Variants in UMAD1 observed in about 807,000 individuals in gnomAD.
The protein encoded by UMAD1 is UBAP1-MVB12-associated (UMA) domain containing 1.
UMAD1 carries 8 observed loss-of-function variants against 6.1 expected under a neutral mutation model. The ratio of observed to expected loss-of-function variants is 1.30; its 90% CI spans 0.76 to 2.35. The LOEUF is 2.35. Among genes scored for constraint, UMAD1 ranks in the 30% most tolerant of loss-of-function variants. The pLI is 0.00. For synonymous variants in UMAD1, 56 were observed against 31.4 expected (o/e 1.78, Z -2.61); for missense variants, 130 against 78.4 (o/e 1.66, Z -2.49).
intron 2 of UMAD1, among the ~76,000 whole-genome samples, chr7:7,781,469 T>C (rs115720570): frequency 0.015 from 2,339 of 152,072 alleles, 59 homozygotes; most frequent in African/African-American, 0.053. Context: ...TTTACATTAA[T>C]GTGGAAAAAA....
intron 2 of UMAD1, among the ~76,000 whole-genome samples, chr7:7,729,570 G>T (rs1356313762): frequency 1.3e-5 from 2 of 152,016 alleles, no homozygotes; most frequent in Non-Finnish European, 2.9e-5. Context: ...GCTTGCATTT[G>T]CCCATTGTTA....
rs925231315 is a variant in UMAD1 at position 7,830,097 on chromosome 7, C to T, written c.156+28354C>T. Among the ~76,000 whole-genome samples, 1 of 152,146 alleles carries T rather than the reference C, an allele frequency of 6.6e-6. No homozygotes were observed. The highest frequency in any genetic ancestry group is 1.5e-5 in the Non-Finnish European group (1 of 68,024). ...TAAAAAAGAAAAGTTATATTATTTT[C>T]CCACCTCTCCCTCAAAAATCTACTA... On this transcript the variant is annotated intron_variant, in intron 3 of 3. Coordinates refer to ENST00000682710, the MANE Select transcript of UMAD1 (RefSeq NM_001302348.2). The surrounding 1 kb of genome is among the most constrained non-coding windows in gnomAD (Gnocchi z 5.3).
chr7:7,839,276 A>G (rs1783630072), intron 3 of UMAD1, among the ~76,000 whole-genome samples: 1 of 152,134 alleles, frequency 6.6e-6, no homozygotes, highest in African/African-American at 2.4e-5. Context: ...CAGGTGCATA[A>G]TCATGGCTCA....
intron 1 of UMAD1, among the ~76,000 whole-genome samples, chr7:7,649,230 G>A (rs1785167862): frequency 6.6e-6 from 1 of 151,886 alleles, no homozygotes; most frequent in Non-Finnish European, 1.5e-5. Context: ...TAGTTCTAGA[G>A]GCTTGGATGT....
chr7:7,704,069 C>G (rs973385314), intron 2 of UMAD1, among the ~76,000 whole-genome samples: 2 of 152,156 alleles, frequency 1.3e-5, no homozygotes, highest in Admixed American at 1.3e-4. Context: ...CAGACATCTT[C>G]CTTTTCCAAC....
At chr7:7,846,007 GTCTATCTTTGAGTGAGAGATTTAC>G (rs1452757434) in intron 3 of UMAD1, among the ~76,000 whole-genome samples, 15 of 152,086 alleles carry the variant, frequency 9.9e-5, no homozygotes, top group Non-Finnish European at 5.9e-5. Context: ...TGTGAGAACA[GTCTATCTTTGAGTGAGAGATTTAC>G]TCAATCATAG....
chr7:7,812,153 G>A (rs905172733), intron 3 of UMAD1, among the ~76,000 whole-genome samples: 1 of 152,138 alleles, frequency 6.6e-6, no homozygotes, highest in African/African-American at 2.4e-5. Flanking sequence ...GGGTTAACTA[G>A]CACACTGAAA....
At chr7:7,733,160 C>G (rs17136857) in intron 2 of UMAD1, among the ~76,000 whole-genome samples, 16,987 of 152,038 alleles carry the variant, frequency 0.11, 1,335 homozygotes, top group African/African-American at 0.22. Flanking sequence ...CACACGATAC[C>G]CAGTTGGTAT....
chr7:7,691,015 AGC>A (rs1220008349), intron 2 of UMAD1, among the ~76,000 whole-genome samples: 3 of 152,220 alleles, frequency 2.0e-5, no homozygotes, highest in Non-Finnish European at 4.4e-5. Flanking sequence ...AGGACCTTGA[AGC>A]ATGTAGAGCT....
rs117221289 is a variant in UMAD1 at position 7,862,683 on chromosome 7, A to G, written c.157-14598A>G. On this transcript the variant is annotated intron_variant, in intron 3 of 3. Transcript: ENST00000682710. ...GTAACCAGCTTGGTAGATTTAACCT[A>G]GTAATAAGATGCTTAGTTTAACTGT... is the stretch of plus-strand genomic sequence containing the variant. Among the ~76,000 whole-genome samples the G allele has an allele frequency of 9.8e-5, 15 of 152,328 alleles. No homozygotes were observed. In the East Asian group the frequency reaches 2.9e-3, roughly 29 times the overall value.
chr7:7,712,594 A>C (rs967363579), intron 2 of UMAD1, among the ~76,000 whole-genome samples: 5 of 152,030 alleles, frequency 3.3e-5, no homozygotes, highest in African/African-American at 1.2e-4. Context: ...ATTCTTTTGA[A>C]TTTTCTAAGT....
Position 7,677,962 on chromosome 7 carries a change from C to T in UMAD1, c.82+4509C>T, listed in dbSNP as rs142558822. Reference sequence around the variant, plus strand: ...TGCTGGGATTACAGGCGTGAGCCACCGCGCCCGGCCTATCTATTCATCTGT... The same window carrying T: ...TGCTGGGATTACAGGCGTGAGCCACTGCGCCCGGCCTATCTATTCATCTGT... On this transcript the variant is annotated intron_variant, in intron 2 of 3. Transcript: ENST00000682710. Among the ~76,000 whole-genome samples, 830 of 152,158 alleles carry T rather than the reference C, an allele frequency of 5.5e-3. 6 individuals carry two copies. Among genetic ancestry groups the T allele is most frequent in the African/African-American group, 0.019 (776 of 41,530 alleles).
At chr7:7,643,780 C>T (rs1785033238) in intron 1 of UMAD1, among the ~76,000 whole-genome samples, 1 of 151,560 alleles carries the variant, frequency 6.6e-6, no homozygotes, top group Admixed American at 6.6e-5. Flanking sequence ...GACCTACTCT[C>T]TTTAACCTTC....
At chr7:7,721,958 G>A (rs1308198255) in intron 2 of UMAD1, among the ~76,000 whole-genome samples, 1 of 152,050 alleles carries the variant, frequency 6.6e-6, no homozygotes, top group Admixed American at 6.5e-5. Flanking sequence ...GCAGGAAAAC[G>A]TGAAAAGGCT....
intron 2 of UMAD1, among the ~76,000 whole-genome samples, chr7:7,698,591 C>A (rs1490339813): frequency 2.0e-5 from 3 of 151,964 alleles, no homozygotes. Flanking sequence ...ACTGGAGATC[C>A]TGTTTAGGCA....
chr7:7,815,904 C>T (rs1413697178), intron 3 of UMAD1, among the ~76,000 whole-genome samples: 1 of 151,936 alleles, frequency 6.6e-6, no homozygotes, highest in Non-Finnish European at 1.5e-5. Flanking sequence ...TTCATTTGTC[C>T]AACAATAGAT....
intron 2 of UMAD1, among the ~76,000 whole-genome samples, chr7:7,767,442 A>G (rs1259438901): frequency 1.3e-5 from 2 of 152,324 alleles, no homozygotes; most frequent in South Asian, 2.1e-4. Flanking sequence ...AAGCTCTTAA[A>G]CAAAAGTAGG....
chr7:7,676,719 A>G (rs7786498), intron 2 of UMAD1, among the ~76,000 whole-genome samples: 2,821 of 152,240 alleles, frequency 0.019, 90 homozygotes, highest in African/African-American at 0.065. Flanking sequence ...ATTTTAAAAT[A>G]TTTCAGAAAA....
At chr7:7,649,195 A>T (rs1785167164) in intron 1 of UMAD1, among the ~76,000 whole-genome samples, 1 of 150,774 alleles carries the variant, frequency 6.6e-6, no homozygotes, top group South Asian at 2.1e-4. Context: ...GAAAAGAATA[A>T]AAAAGGAAAG....
Sources: allele counts gnomAD v4.1 joint callset (sites outside exome capture counted in the v4.1 genomes callset), GRCh38; gene constraint gnomAD v4.1.1; non-coding constraint Gnocchi (gnomAD v3.1); transcripts MANE v1.5; gene names NCBI Gene and HGNC (gene_info 2026-07-23, HGNC 2026-07-21).